Variants in PPP6R3 observed in about 807,000 individuals in gnomAD.
PPP6R3 encodes the protein protein phosphatase 6 regulatory subunit 3, also known as serine/threonine-protein phosphatase 6 regulatory subunit 3.
In PPP6R3, 38 loss-of-function variants were observed where a neutral mutation model predicts 110.7. The ratio of observed to expected loss-of-function variants is 0.34; its 90% CI spans 0.26 to 0.45. PPP6R3 has a LOEUF of 0.45. Among genes scored for constraint, PPP6R3 ranks in the 20% least tolerant of loss-of-function variants. PPP6R3 has a pLI of 1.00. For missense variants in PPP6R3, 870 were observed against 1,062.4 expected, an observed-to-expected ratio of 0.82 and a Z score of 2.52; for synonymous variants, 369 against 373.5, an observed-to-expected ratio of 0.99 and a Z score of 0.14.
At chr11:68,584,072 T>G (rs1566010008) in intron 15 of PPP6R3, among the ~76,000 whole-genome samples, 1 of 152,252 alleles carries the variant, frequency 6.6e-6, no homozygotes, top group Non-Finnish European at 1.5e-5. Context: ...AGTTTAGAGT[T>G]TACCTTTCCC....
intron 1 of PPP6R3, among the ~76,000 whole-genome samples, chr11:68,501,354 G>T (rs968387817): frequency 2.6e-5 from 4 of 152,210 alleles, no homozygotes; most frequent in African/African-American, 9.6e-5. Context: ...TTGAGACAGG[G>T]TCTCACTCTG....
intron 2 of PPP6R3, among the ~76,000 whole-genome samples, chr11:68,535,978 A>G (rs971531632): frequency 6.6e-6 from 1 of 151,922 alleles, no homozygotes; most frequent in Non-Finnish European, 1.5e-5. Context: ...CAAAAAACAA[A>G]CAAAAAACTC....
chr11:68,499,803 G>C (rs2099038733), intron 1 of PPP6R3, among the ~76,000 whole-genome samples: 2 of 152,022 alleles, frequency 1.3e-5, no homozygotes, highest in South Asian at 4.1e-4. Context: ...AAACTCCTGG[G>C]TTTGAGCATT....
intron 1 of PPP6R3, among the ~76,000 whole-genome samples, chr11:68,478,512 T>C (rs2098856034): frequency 6.6e-6 from 1 of 152,168 alleles, no homozygotes; most frequent in African/African-American, 2.4e-5. Context: ...ATTTGCCTTA[T>C]ATATCTTTTT....
intron 1 of PPP6R3, among the ~76,000 whole-genome samples, chr11:68,503,088 C>T (rs756794494): frequency 4.6e-5 from 7 of 151,258 alleles, no homozygotes; most frequent in Admixed American, 6.6e-5. Flanking sequence ...GGACTACAGG[C>T]GCACACCACC....
chr11:68,554,996 C>T (rs1399561296), intron 7 of PPP6R3, among the ~76,000 whole-genome samples: 1 of 152,170 alleles, frequency 6.6e-6, no homozygotes, highest in East Asian at 1.9e-4. Flanking sequence ...GCTTAACTAC[C>T]TATAATGCCG....
Position 68,554,146 on chromosome 11 carries a change from G to A in PPP6R3, c.620G>A (p.Arg207Gln), listed in dbSNP as rs1286651717. The change falls in exon 7 of 24, where the codon CGA (arginine) becomes CAA (glutamine). Residue 207 changes from arginine (R) to glutamine (Q), a missense_variant and splice_region_variant. Coordinates refer to ENST00000393800, the MANE Select transcript of PPP6R3 (RefSeq NM_001164161.2). ...TAAAATTGTACTTTTTTCCTTTAGCGACATTCAAATGCATCACAATCACTT... is the reference window on the plus strand; with the variant it reads ...TAAAATTGTACTTTTTTCCTTTAGCAACATTCAAATGCATCACAATCACTT... Reference protein sequence around the residue: ...EIVHPSQEEDRHSNASQSLCE... With the variant: ...EIVHPSQEEDQHSNASQSLCE... The A allele has an allele frequency of 1.9e-6, 3 of 1,597,190 alleles. No individual in the cohort carries two copies. The highest frequency in any genetic ancestry group is 1.1e-5 in the South Asian group (1 of 87,610).
At chr11:68,501,981 T>C (rs576079907) in intron 1 of PPP6R3, among the ~76,000 whole-genome samples, 8 of 152,300 alleles carry the variant, frequency 5.3e-5, no homozygotes, top group South Asian at 2.1e-4. Context: ...AATGGTGTTA[T>C]TCAAGAACCT....
At chr11:68,531,047 T>TA (rs2099236232) in intron 2 of PPP6R3, among the ~76,000 whole-genome samples, 1 of 152,202 alleles carries the variant, frequency 6.6e-6, no homozygotes, top group Non-Finnish European at 1.5e-5. Flanking sequence ...AACCCACTGA[T>TA]ATCAACTTTT....
At chr11:68,598,617 C>T (rs1275443679) in intron 19 of PPP6R3, among the ~76,000 whole-genome samples, 2 of 152,200 alleles carry the variant, frequency 1.3e-5, no homozygotes, top group Non-Finnish European at 2.9e-5. Flanking sequence ...TCTGCCATTC[C>T]ACCAGTCTCT....
chr11:68,547,055 A>G (rs1329269352), intron 4 of PPP6R3, among the ~76,000 whole-genome samples: 2 of 152,208 alleles, frequency 1.3e-5, no homozygotes. Context: ...ATTTATACCT[A>G]ATTGTATGAA....
chr11:68,539,255 G>A (rs563040286), intron 3 of PPP6R3, among the ~76,000 whole-genome samples: 1 of 152,304 alleles, frequency 6.6e-6, no homozygotes, highest in African/African-American at 2.4e-5. Context: ...TCCAATCTCT[G>A]AGAGCTTGGG....
At chr11:68,527,938 C>G (rs1390385922) in intron 2 of PPP6R3, among the ~76,000 whole-genome samples, 2 of 152,214 alleles carry the variant, frequency 1.3e-5, no homozygotes, top group African/African-American at 4.8e-5. Context: ...CATTCATCAC[C>G]TCCTAAATGC....
In PPP6R3 at chr11:68,474,662, G is replaced by A. The variant is rs571677725; in HGVS notation, c.-158+13835G>A. Among the ~76,000 whole-genome samples, 3 of 152,286 alleles carry A rather than the reference G, an allele frequency of 2.0e-5. No individual in the cohort carries two copies. The East Asian group carries it at 5.8e-4, about 29-fold the overall frequency. The stretch of plus-strand genomic sequence containing the variant: ...TATCTGTTCCTTGAAGGTTTGGTAA[G>A]CCTTGCTGGTAAGACCATTGGGGCC... On this transcript the variant is annotated intron_variant, in intron 1 of 23. Coordinates refer to ENST00000393800, the MANE Select transcript of PPP6R3 (RefSeq NM_001164161.2).
chr11:68,530,620 G>T (rs1299168527), intron 2 of PPP6R3, among the ~76,000 whole-genome samples: 2 of 152,154 alleles, frequency 1.3e-5, no homozygotes, highest in African/African-American at 4.8e-5. Context: ...GTTATTAAAA[G>T]GTATAGACAG....
At chr11:68,487,238 A>G (rs2153417479) in intron 1 of PPP6R3, among the ~76,000 whole-genome samples, 1 of 152,280 alleles carries the variant, frequency 6.6e-6, no homozygotes, top group East Asian at 1.9e-4. Context: ...TTTTTGCTGT[A>G]TCCCACAAGT....
chr11:68,528,436 G>T (rs1416183355), intron 2 of PPP6R3, among the ~76,000 whole-genome samples: 7 of 72,896 alleles, frequency 9.6e-5, no homozygotes, highest in Admixed American at 2.9e-4. Flanking sequence ...GTGTGTGTGG[G>T]GGGGGGGGCT....
intron 2 of PPP6R3, among the ~76,000 whole-genome samples, chr11:68,529,854 G>A (rs1458595071): frequency 2.0e-5 from 3 of 152,252 alleles, no homozygotes; most frequent in Admixed American, 1.3e-4. Flanking sequence ...GGAAAACATC[G>A]TTAGTGATTG....
Position 68,578,342 on chromosome 11 carries a change from C to T in PPP6R3, c.1545+2299C>T, listed in dbSNP as rs576758587. Among the ~76,000 whole-genome samples, 7 of 152,272 alleles carry T rather than the reference C, an allele frequency of 4.6e-5. No homozygotes were observed. The South Asian group carries it at 1.2e-3, about 27-fold the overall frequency. On this transcript the variant is annotated intron_variant, in intron 14 of 23. Transcript: ENST00000393800. ...AAAAGTGACATAGAAAAAGAGTGCCCATGTTTGAAATGTGGTAGTTACACT... is the reference window on the plus strand; with the variant it reads ...AAAAGTGACATAGAAAAAGAGTGCCTATGTTTGAAATGTGGTAGTTACACT...
Sources: allele counts gnomAD v4.1 joint callset (sites outside exome capture counted in the v4.1 genomes callset), GRCh38; gene constraint gnomAD v4.1.1; transcripts MANE v1.5; gene names NCBI Gene and HGNC (gene_info 2026-07-23, HGNC 2026-07-21).